Variants in LHFPL3 observed in about 807,000 individuals in gnomAD.
The protein encoded by LHFPL3 is LHFPL tetraspan subfamily member 3, also known as LHFPL tetraspan subfamily member 3 protein.
LHFPL3 carries 5 observed loss-of-function variants against 19.3 expected under a neutral mutation model. The ratio of observed to expected loss-of-function variants is 0.26; its 90% CI spans 0.14 to 0.54. LHFPL3 has a LOEUF of 0.54. Ranked by LOEUF, LHFPL3 falls within the 20% of genes least tolerant of loss-of-function variation. The pLI is 0.94. For missense variants in LHFPL3, 249 were observed against 307.4 expected, an observed-to-expected ratio of 0.81 and a Z score of 1.42; for synonymous variants, 133 against 126.2, an observed-to-expected ratio of 1.05 and a Z score of -0.36.
intron 2 of LHFPL3, among the ~76,000 whole-genome samples, chr7:104,784,241 G>C (rs891271020): frequency 1.1e-4 from 16 of 152,246 alleles, no homozygotes; most frequent in African/African-American, 3.6e-4. Context: ...TGGGAACTTG[G>C]GGAAATGAGC....
intron 2 of LHFPL3, among the ~76,000 whole-genome samples, chr7:104,887,259 A>G (rs1441356947): frequency 6.6e-6 from 1 of 152,262 alleles, no homozygotes; most frequent in Non-Finnish European, 1.5e-5. Flanking sequence ...CTGTATAAGA[A>G]TATTACCCTA....
chr7:104,455,436 C>T (rs1309244167), intron 1 of LHFPL3, among the ~76,000 whole-genome samples: 1 of 152,090 alleles, frequency 6.6e-6, no homozygotes, highest in Non-Finnish European at 1.5e-5. Flanking sequence ...AATAGTTATT[C>T]CTGGCTAGGC....
intron 1 of LHFPL3, among the ~76,000 whole-genome samples, chr7:104,586,441 G>A (rs1016092629): frequency 2.0e-5 from 3 of 151,866 alleles, no homozygotes; most frequent in African/African-American, 7.3e-5. Context: ...GAAAGAAGAG[G>A]TAACATAGTC....
chr7:104,588,395 T>C (rs1318961014), intron 1 of LHFPL3, among the ~76,000 whole-genome samples: 1 of 152,242 alleles, frequency 6.6e-6, no homozygotes, highest in Non-Finnish European at 1.5e-5. Flanking sequence ...GTTGCTTGTT[T>C]TTGTCAGGTT....
intron 1 of LHFPL3, among the ~76,000 whole-genome samples, chr7:104,481,131 A>G (rs2115657091): frequency 6.6e-6 from 1 of 152,336 alleles, no homozygotes; most frequent in Middle Eastern, 3.4e-3. Context: ...ACACTCCTTA[A>G]CAACTGAGAA....
At chr7:104,646,781 A>G (rs1337732652) in intron 1 of LHFPL3, among the ~76,000 whole-genome samples, 3 of 152,248 alleles carry the variant, frequency 2.0e-5, no homozygotes, top group African/African-American at 7.2e-5. Context: ...ATGAAACTTG[A>G]GTTACCAACT....
chr7:104,595,820 G>A (rs1256936892), intron 1 of LHFPL3, among the ~76,000 whole-genome samples: 1 of 152,246 alleles, frequency 6.6e-6, no homozygotes, highest in Non-Finnish European at 1.5e-5. Flanking sequence ...ATCTCAGACT[G>A]CTGCATTAGC....
chr7:104,689,945 G>A (rs541353050), intron 1 of LHFPL3, among the ~76,000 whole-genome samples: 1 of 152,200 alleles, frequency 6.6e-6, no homozygotes, highest in African/African-American at 2.4e-5. Context: ...CTGCCTGACA[G>A]GTAGGGTGAG....
chr7:104,633,482 A>G (rs958467315), intron 1 of LHFPL3, among the ~76,000 whole-genome samples: 14 of 152,178 alleles, frequency 9.2e-5, no homozygotes, highest in Non-Finnish European at 1.5e-5. Context: ...AGGATTCCGC[A>G]GTTTCTCATC....
chr7:104,538,183 C>A (rs1794422673), intron 1 of LHFPL3, among the ~76,000 whole-genome samples: 2 of 152,146 alleles, frequency 1.3e-5, no homozygotes, highest in Non-Finnish European at 2.9e-5. Context: ...AAATTTTAAA[C>A]AAAAATAGCC....
intron 1 of LHFPL3, among the ~76,000 whole-genome samples, chr7:104,731,996 C>T (rs1793713884): frequency 6.6e-6 from 1 of 152,046 alleles, no homozygotes; most frequent in African/African-American, 2.4e-5. Context: ...TGTTTTTTGT[C>T]TTTGGTTCTG....
chr7:104,712,364 G>A (rs1793313322), intron 1 of LHFPL3, among the ~76,000 whole-genome samples: 1 of 152,186 alleles, frequency 6.6e-6, no homozygotes, highest in Non-Finnish European at 1.5e-5. Flanking sequence ...TTTGCCAACA[G>A]CTGTCTTTTT....
At chr7:104,463,366 G>A (rs1005233716) in intron 1 of LHFPL3, among the ~76,000 whole-genome samples, 2 of 152,156 alleles carry the variant, frequency 1.3e-5, no homozygotes, top group African/African-American at 4.8e-5. Context: ...TTTGATATGG[G>A]TGGTTAGTGC....
intron 1 of LHFPL3, among the ~76,000 whole-genome samples, chr7:104,495,379 A>C (rs945812705): frequency 1.3e-5 from 2 of 151,256 alleles, no homozygotes; most frequent in African/African-American, 4.9e-5. Context: ...GGCTATTTAA[A>C]AAAAAAATTT....
intron 1 of LHFPL3, among the ~76,000 whole-genome samples, chr7:104,634,771 G>A (rs1309346215): frequency 6.6e-6 from 1 of 152,146 alleles, no homozygotes; most frequent in East Asian, 1.9e-4. Context: ...CTATCCTGTT[G>A]CTGTGGCTGT....
chr7:104,634,379 G>A (rs1357800243), intron 1 of LHFPL3, among the ~76,000 whole-genome samples: 1 of 152,112 alleles, frequency 6.6e-6, no homozygotes, highest in Non-Finnish European at 1.5e-5. Flanking sequence ...TGGAAATAGA[G>A]TACAAGTGTC....
chr7:104,612,316 A>G (rs1022387826), intron 1 of LHFPL3, among the ~76,000 whole-genome samples: 10 of 152,126 alleles, frequency 6.6e-5, no homozygotes, highest in African/African-American at 2.4e-4. Context: ...GGTTATTTTG[A>G]GGATTGAATA....
At chr7:104,482,716 A>G (rs1793160156) in intron 1 of LHFPL3, among the ~76,000 whole-genome samples, 1 of 152,200 alleles carries the variant, frequency 6.6e-6, no homozygotes, top group Non-Finnish European at 1.5e-5. Flanking sequence ...CATCTCATGA[A>G]CAGTGAGCAG....
chr7:104,718,962 C>T (rs900262617), intron 1 of LHFPL3, among the ~76,000 whole-genome samples: 1 of 152,110 alleles, frequency 6.6e-6, no homozygotes, highest in South Asian at 2.1e-4. Context: ...GAGAATTATG[C>T]TCTTTTCTTC....
Sources: gnomAD v4.1 joint callset for allele counts (sites outside exome capture counted in the v4.1 genomes callset) on GRCh38, gnomAD v4.1.1 for gene constraint, MANE v1.5 for transcripts, NCBI Gene and HGNC (gene_info 2026-07-23, HGNC 2026-07-21) for gene names.